Variants in DYNC1I1 observed in about 807,000 individuals in gnomAD.
DYNC1I1 encodes cytoplasmic dynein 1 intermediate chain 1.
A neutral mutation model predicts 86.6 loss-of-function variants in DYNC1I1; 43 were observed. The observed-to-expected ratio is 0.50, with a 90% CI of 0.39 to 0.64. DYNC1I1 has a LOEUF of 0.64. Among genes scored for constraint, DYNC1I1 ranks in the 30% least tolerant of loss-of-function variants. DYNC1I1 has a pLI of 0.00. For synonymous variants in DYNC1I1, 262 were observed against 283.7 expected, an observed-to-expected ratio of 0.92 and a Z score of 0.77; for missense variants, 604 against 788.8, an observed-to-expected ratio of 0.77 and a Z score of 2.81.
chr7:96,032,677 A>G lies in DYNC1I1; in HGVS notation c.1127A>G (p.Tyr376Cys). The change falls in exon 12 of 17, where the codon TAC becomes TGC. Residue 376 changes from tyrosine (Y) to cysteine (C), a missense_variant. Tyr to Cys is a radical substitution (Grantham distance 194). Transcript: ENST00000447467. ...LSAAAHTHPVYCVNVVGTQNA... is the reference protein window; with the variant it reads ...LSAAAHTHPVCCVNVVGTQNA... The stretch of plus-strand genomic sequence containing the variant: ...TTTATGTTTTTGCAGCATCCCGTGT[A>G]CTGTGTAAATGTTGTTGGGACCCAG... 1 of 1,613,186 alleles carries G rather than the reference A, an allele frequency of 6.2e-7. No individual in the cohort carries two copies. The highest frequency in any genetic ancestry group is 1.1e-5 in the South Asian group (1 of 91,008).
At chr7:95,832,589 T>C (rs2115952772) in intron 5 of DYNC1I1, among the ~76,000 whole-genome samples, 1 of 152,222 alleles carries the variant, frequency 6.6e-6, no homozygotes, top group South Asian at 2.1e-4. Flanking sequence ...CCACCAACAG[T>C]GTAAAAGTAT....
chr7:95,819,650 G>T (rs1260732474), intron 4 of DYNC1I1, among the ~76,000 whole-genome samples: 1 of 152,038 alleles, frequency 6.6e-6, no homozygotes, highest in Non-Finnish European at 1.5e-5. Flanking sequence ...TTAAAATTTT[G>T]CTTATACAAA....
Position 95,846,625 on chromosome 7 carries a change from C to CTGTG in DYNC1I1, c.374+18510_374+18511insGTGT, listed in dbSNP as rs1461596857. The stretch of plus-strand genomic sequence containing the variant: ...CTGAACATAAATGATAAATCTCTCT[C>CTGTG]TCTGTGTGTGTGTGTGTGTGTGTGT... On this transcript the variant is annotated intron_variant, in intron 5 of 16. Coordinates refer to ENST00000447467, the MANE Select transcript of DYNC1I1 (RefSeq NM_001135556.2). Among the ~76,000 whole-genome samples the CTGTG allele has an allele frequency of 9.1e-3, 1,209 of 132,674 alleles. 6 individuals carry two copies. Among genetic ancestry groups the CTGTG allele is most frequent in the Middle Eastern group, 0.027 (7 of 256 alleles). 87.0% of individuals were successfully genotyped at this position (132,674 alleles called of 152,430 possible).
intron 14 of DYNC1I1, among the ~76,000 whole-genome samples, chr7:96,040,341 A>G (rs73708452): frequency 2.5e-4 from 38 of 152,330 alleles, no homozygotes; most frequent in African/African-American, 8.9e-4. Flanking sequence ...AAGGCACAAT[A>G]ATCTAGGAAA....
At chr7:96,016,747 G>A (rs1030058626) in intron 10 of DYNC1I1, among the ~76,000 whole-genome samples, 1 of 152,082 alleles carries the variant, frequency 6.6e-6, no homozygotes, top group Non-Finnish European at 1.5e-5. Flanking sequence ...TTACATGCTT[G>A]CTCTGTCAAG....
chr7:95,956,215 G>A lies in DYNC1I1; in HGVS notation c.491-21297G>A, dbSNP rs144700131. ...ACAGAGACCAGAGGCTATGTGGCAC[G>A]TGTATGTGGAGTTGCTACATAAATA... On this transcript the variant is annotated intron_variant, in intron 6 of 16. Coordinates refer to ENST00000447467, the MANE Select transcript of DYNC1I1 (RefSeq NM_001135556.2). 4.4e-3 allele frequency among the ~76,000 whole-genome samples: 667 copies of A among 152,048 alleles called. 8 individuals are homozygous for A. The highest frequency in any genetic ancestry group is 0.015 in the African/African-American group (638 of 41,482).
intron 10 of DYNC1I1, among the ~76,000 whole-genome samples, chr7:96,021,602 A>G (rs868136820): frequency 2.0e-4 from 31 of 152,290 alleles, no homozygotes; most frequent in African/African-American, 6.5e-4. Flanking sequence ...GACAATTAGC[A>G]TTGTCTAATT....
chr7:95,986,212 G>A (rs568010155), intron 8 of DYNC1I1, among the ~76,000 whole-genome samples: 32 of 152,298 alleles, frequency 2.1e-4, no homozygotes, highest in African/African-American at 5.8e-4. Context: ...GATGCAGGGC[G>A]CAAGCCAGCA....
At chr7:96,051,639 A>C (rs1266214640) in intron 14 of DYNC1I1, among the ~76,000 whole-genome samples, 1 of 152,212 alleles carries the variant, frequency 6.6e-6, no homozygotes, top group East Asian at 1.9e-4. Context: ...AAAATTTTCT[A>C]AGTGACTGGA....
At chr7:95,894,732 T>C (rs889984147) in intron 6 of DYNC1I1, among the ~76,000 whole-genome samples, 8 of 152,228 alleles carry the variant, frequency 5.3e-5, no homozygotes, top group African/African-American at 1.9e-4. Context: ...TAAAAATCTG[T>C]GCTTCGGGAT....
intron 6 of DYNC1I1, among the ~76,000 whole-genome samples, chr7:95,895,353 A>G (rs188739160): frequency 2.0e-5 from 3 of 152,236 alleles, no homozygotes; most frequent in South Asian, 2.1e-4. Flanking sequence ...TCACTCTTCC[A>G]ATTTGCTTCA....
At chr7:95,845,678 T>A (rs1789405658) in intron 5 of DYNC1I1, among the ~76,000 whole-genome samples, 1 of 152,200 alleles carries the variant, frequency 6.6e-6, no homozygotes, top group Non-Finnish European at 1.5e-5. Context: ...GTAATATGTA[T>A]GTGTATCAAA....
chr7:95,996,913 C>A (rs1793881283), intron 10 of DYNC1I1, among the ~76,000 whole-genome samples: 2 of 152,206 alleles, frequency 1.3e-5, no homozygotes, highest in African/African-American at 4.8e-5. Context: ...ACAAAGACAT[C>A]ATTTGAAGAG....
intron 10 of DYNC1I1, among the ~76,000 whole-genome samples, chr7:96,016,133 T>C (rs1366311305): frequency 6.6e-6 from 1 of 152,136 alleles, no homozygotes; most frequent in African/African-American, 2.4e-5. Flanking sequence ...AGGTTTATAT[T>C]CACCACATAG....
At chr7:96,019,777 AG>A (rs1052876524) in intron 10 of DYNC1I1, among the ~76,000 whole-genome samples, 1 of 152,148 alleles carries the variant, frequency 6.6e-6, no homozygotes, top group Non-Finnish European at 1.5e-5. Flanking sequence ...CTCCATCAAC[AG>A]GACAGGACCA....
intron 6 of DYNC1I1, among the ~76,000 whole-genome samples, chr7:95,902,272 T>C (rs1791058720): frequency 6.6e-6 from 1 of 152,190 alleles, no homozygotes; most frequent in African/African-American, 2.4e-5. Flanking sequence ...AGTTAGCATG[T>C]AGAAAAATAC....
At chr7:95,986,035 TGTGTGTGTG>T (rs1382781846) in intron 8 of DYNC1I1, among the ~76,000 whole-genome samples, 2 of 149,130 alleles carry the variant, frequency 1.3e-5, no homozygotes, top group Admixed American at 6.7e-5. Context: ...TGTGTGTGTG[TGTGTGTGTG>T]TGTGTGTGTG....
At chr7:96,051,554 A>G (rs1339544429) in intron 14 of DYNC1I1, among the ~76,000 whole-genome samples, 1 of 152,228 alleles carries the variant, frequency 6.6e-6, no homozygotes, top group Non-Finnish European at 1.5e-5. Flanking sequence ...CATTGTAGAC[A>G]TTGTACAATC....
Position 96,090,924 on chromosome 7 carries a change from C to T in DYNC1I1, c.1777-6559C>T, listed in dbSNP as rs558781030. ...CCGTGGTTTCATCCATTGTTAGCTG[C>T]GATGCTAGACTCTCCCGGGAGTTAA... On this transcript the variant is annotated intron_variant, in intron 16 of 16. Coordinates refer to ENST00000447467, the MANE Select transcript of DYNC1I1 (RefSeq NM_001135556.2). Among the ~76,000 whole-genome samples, 18 of 152,174 alleles carry T rather than the reference C, an allele frequency of 1.2e-4. No homozygotes were observed. In the South Asian group the frequency reaches 2.7e-3, roughly 23 times the overall value.
Sources: allele counts gnomAD v4.1 joint callset (sites outside exome capture counted in the v4.1 genomes callset), GRCh38; gene constraint gnomAD v4.1.1; transcripts MANE v1.5; gene names NCBI Gene and HGNC (gene_info 2026-07-23, HGNC 2026-07-21).